Variants in HHIP observed in about 807,000 individuals in gnomAD.
The protein encoded by HHIP is hedgehog-interacting protein.
HHIP carries 12 observed loss-of-function variants against 74.0 expected under a neutral mutation model. That is an observed-to-expected ratio of 0.16 (90% confidence interval 0.10 to 0.26). The LOEUF (loss-of-function observed/expected upper bound fraction) is 0.26, where lower values mean the gene tolerates loss of function less well. Among genes scored for constraint, HHIP ranks in the 10% least tolerant of loss-of-function variants. The pLI, the probability that HHIP is intolerant of heterozygous loss-of-function variation, is 1.00. For missense variants in HHIP, 788 were observed against 845.0 expected, an observed-to-expected ratio of 0.93 and a Z score of 0.84; for synonymous variants, 309 against 311.6, an observed-to-expected ratio of 0.99 and a Z score of 0.09.
Position 144,715,014 on chromosome 4 carries a change from C to A in HHIP, c.1548-286C>A, listed in dbSNP as rs1441890111. The A allele has an allele frequency of 1.0e-5, 3 of 288,288 alleles. No homozygotes were observed. The Admixed American group carries it at 1.3e-4, about 12-fold the overall frequency. 17.9% of individuals were successfully genotyped at this position (288,288 alleles called of 1,614,324 possible). On this transcript the variant is annotated intron_variant, in intron 9 of 12. Coordinates refer to ENST00000296575, the MANE Select transcript of HHIP (RefSeq NM_022475.3). ...TCTGATTAATAGCACAGCATGGATTCTAGTCCTGGCGAGGAAGTATCATTC... is the reference window on the plus strand; with the variant it reads ...TCTGATTAATAGCACAGCATGGATTATAGTCCTGGCGAGGAAGTATCATTC...
chr4:144,670,233 G>A (rs537793458), intron 4 of HHIP, among the ~76,000 whole-genome samples: 2 of 151,744 alleles, frequency 1.3e-5, no homozygotes, highest in Admixed American at 6.6e-5. Context: ...GGCTGAGGCC[G>A]GCGGATCACC....
intron 4 of HHIP, among the ~76,000 whole-genome samples, chr4:144,688,771 T>C (rs1729553389): frequency 6.6e-6 from 1 of 151,730 alleles, no homozygotes; most frequent in African/African-American, 2.4e-5. Flanking sequence ...AGAAGTTATA[T>C]GCAAGAACGG....
chr4:144,716,705 C>T (rs1034419670), intron 10 of HHIP, among the ~76,000 whole-genome samples: 5 of 151,412 alleles, frequency 3.3e-5, no homozygotes, highest in African/African-American at 7.3e-5. Flanking sequence ...AAAAATTAGC[C>T]GGGTATACTG....
At chr4:144,657,505 A>C (rs1728587965) in intron 2 of HHIP, among the ~76,000 whole-genome samples, 1 of 152,162 alleles carries the variant, frequency 6.6e-6, no homozygotes, top group Non-Finnish European at 1.5e-5. Context: ...TATAAGACTG[A>C]CTCTGGTAAT....
At position 144,708,220 on chromosome 4, in the gene HHIP, G is replaced by A. The variant is rs34033277; in HGVS notation, c.1210G>A (p.Val404Met). The change falls in exon 7 of 13, where the codon GTG becomes ATG. Residue 404 changes from valine to methionine, a missense_variant. By Grantham distance (21) the Val-to-Met change is conservative. Transcript: ENST00000296575. ...GGATGTGGACACAGACATGTGCAAC[G>A]TGCCTTATTCCATACCAAGGAGCAA... ...RLDVDTDMCN[V>M]PYSIPRSNPH... is the part of the protein sequence containing the mutation. 2,997 of 1,614,058 alleles carry A rather than the reference G, an allele frequency of 1.9e-3. 47 individuals carry two copies. The African/African-American group carries it at 0.035, about 19-fold the overall frequency.
At chr4:144,650,381 C>T (rs923506880) in intron 1 of HHIP, among the ~76,000 whole-genome samples, 2 of 151,990 alleles carry the variant, frequency 1.3e-5, no homozygotes, top group Admixed American at 6.6e-5. Context: ...TAGTTTAAAC[C>T]ACTGTGATGG....
intron 4 of HHIP, among the ~76,000 whole-genome samples, chr4:144,675,886 G>C (rs1380278292): frequency 1.3e-5 from 2 of 152,124 alleles, no homozygotes; most frequent in Non-Finnish European, 2.9e-5. Flanking sequence ...AAGCCAGGCA[G>C]TCTAAACTTT....
chr4:144,693,054 G>A (rs1729718643), intron 4 of HHIP, among the ~76,000 whole-genome samples: 1 of 152,140 alleles, frequency 6.6e-6, no homozygotes, highest in South Asian at 2.1e-4. Context: ...CTGAGAGCAA[G>A]AGCTGTGGAG....
intron 4 of HHIP, among the ~76,000 whole-genome samples, chr4:144,689,333 T>C (rs1217532900): frequency 6.6e-6 from 1 of 152,234 alleles, no homozygotes; most frequent in African/African-American, 2.4e-5. Flanking sequence ...GACATCATAA[T>C]GATGACTGAC....
At chr4:144,727,449 T>C (rs1730836438) in intron 11 of HHIP, among the ~76,000 whole-genome samples, 1 of 152,174 alleles carries the variant, frequency 6.6e-6, no homozygotes, top group Non-Finnish European at 1.5e-5. Context: ...AAGTGCCATT[T>C]TGTGGAATAC....
intron 3 of HHIP, 57 bp from the exon 4 acceptor site, chr4:144,659,580 C>T (rs1728647050): frequency 1.8e-6 from 2 of 1,142,584 alleles, no homozygotes; most frequent in African/African-American, 1.6e-5. Context: ...ATGCCAAGTG[C>T]ATCCCTTATC....
intron 11 of HHIP, among the ~76,000 whole-genome samples, chr4:144,730,598 C>T (rs1314217833): frequency 1.3e-5 from 2 of 151,880 alleles, no homozygotes; most frequent in Non-Finnish European, 2.9e-5. Flanking sequence ...TTTTCCAGTC[C>T]AATAAAATTA....
intron 4 of HHIP, among the ~76,000 whole-genome samples, chr4:144,691,764 T>C (rs1729677109): frequency 6.6e-6 from 1 of 152,016 alleles, no homozygotes; most frequent in South Asian, 2.1e-4. Context: ...AAATGAAAAG[T>C]CTAAGTACCA....
chr4:144,737,837 T>C lies in HHIP; in HGVS notation c.1983T>C (p.Tyr661=). ...RPNKCLCKKG[Y]LGPQCEQVDR... is the part of the protein sequence containing the mutation. ...ACAAGTGCCTCTGTAAAAAAGGATATCTTGGTCCTCAATGTGAACAAGTGG... is the reference window on the plus strand; with the variant it reads ...ACAAGTGCCTCTGTAAAAAAGGATACCTTGGTCCTCAATGTGAACAAGTGG... The change falls in exon 13 of 13, where the codon TAT becomes TAC. Residue 661 remains tyrosine (Y), a synonymous_variant. Transcript: ENST00000296575. The C allele has an allele frequency of 6.2e-7, 1 of 1,613,968 alleles. No individual in the cohort carries two copies. The highest frequency in any genetic ancestry group is 8.5e-7 in the Non-Finnish European group (1 of 1,179,874).
At chr4:144,724,837 A>T (rs1308910176) in intron 11 of HHIP, among the ~76,000 whole-genome samples, 1 of 151,710 alleles carries the variant, frequency 6.6e-6, no homozygotes, top group Non-Finnish European at 1.5e-5. Flanking sequence ...TACTTAGAAT[A>T]TCATCTTCTT....
intron 4 of HHIP, among the ~76,000 whole-genome samples, chr4:144,668,784 A>G (rs1728949986): frequency 6.6e-6 from 1 of 151,972 alleles, no homozygotes; most frequent in Admixed American, 6.6e-5. Context: ...AGAATATATA[A>G]ATGAAAGAGC....
At chr4:144,728,472 T>C (rs1730858231) in intron 11 of HHIP, among the ~76,000 whole-genome samples, 1 of 152,192 alleles carries the variant, frequency 6.6e-6, no homozygotes, top group African/African-American at 2.4e-5. Context: ...TAGAAATGTT[T>C]AGTACAAATT....
chr4:144,678,411 CT>C (rs891712372), intron 4 of HHIP, among the ~76,000 whole-genome samples: 3 of 152,012 alleles, frequency 2.0e-5, no homozygotes, highest in Non-Finnish European at 4.4e-5. Context: ...TATTATTACA[CT>C]TTAAGTTCTG....
At chr4:144,730,383 G>A (rs1730919358) in intron 11 of HHIP, among the ~76,000 whole-genome samples, 1 of 152,084 alleles carries the variant, frequency 6.6e-6, no homozygotes. Flanking sequence ...TAAGTTCAAA[G>A]GCTATGGGGA....
Sources: gnomAD v4.1 joint callset for allele counts (sites outside exome capture counted in the v4.1 genomes callset) on GRCh38, gnomAD v4.1.1 for gene constraint, MANE v1.5 for transcripts, NCBI Gene and HGNC (gene_info 2026-07-23, HGNC 2026-07-21) for gene names.